Variants in NEBL observed in about 807,000 individuals in gnomAD.
NEBL encodes LIM and SH3 protein 2.
Under a neutral mutation model 140.2 loss-of-function variants are expected in NEBL, and 122 were observed. That is an observed-to-expected ratio of 0.87 (90% CI 0.75 to 1.01). The LOEUF (loss-of-function observed/expected upper bound fraction) is 1.01. Ranked by LOEUF, NEBL falls within the 50% of genes least tolerant of loss-of-function variation. The pLI, the probability that NEBL is intolerant of heterozygous loss-of-function variation, is 0.00. For synonymous variants in NEBL, 436 were observed against 398.9 expected (o/e 1.09, Z -1.11); for missense variants, 1,365 against 1,231.3 (o/e 1.11, Z -1.62).
At chr10:21,000,429 T>A (rs1837848391) in intron 3 of NEBL, among the ~76,000 whole-genome samples, 1 of 152,004 alleles carries the variant, frequency 6.6e-6, no homozygotes, top group African/African-American at 2.4e-5. Flanking sequence ...CAAAAGTGAC[T>A]TTTCCTGGCC....
At chr10:21,017,955 G>A (rs1451443857) in intron 3 of NEBL, among the ~76,000 whole-genome samples, 1 of 151,722 alleles carries the variant, frequency 6.6e-6, no homozygotes, top group Non-Finnish European at 1.5e-5. Flanking sequence ...CGAGTAGTTG[G>A]GATTACAGGC....
chr10:21,206,201 G>A (rs751098460), intron 3 of NEBL, among the ~76,000 whole-genome samples: 1 of 152,120 alleles, frequency 6.6e-6, no homozygotes, highest in Non-Finnish European at 1.5e-5. Context: ...TATCCTAATC[G>A]CTGTTAGCAG....
intron 1 of NEBL, among the ~76,000 whole-genome samples, chr10:21,277,585 G>T (rs979202982): frequency 4.6e-5 from 7 of 152,270 alleles, no homozygotes; most frequent in Admixed American, 6.5e-5. Flanking sequence ...AACATGTATT[G>T]CTGTGTGGGT....
At chr10:21,130,319 C>T (rs895978848) in intron 2 of NEBL, among the ~76,000 whole-genome samples, 10 of 151,810 alleles carry the variant, frequency 6.6e-5, no homozygotes, top group Non-Finnish European at 1.3e-4. Context: ...ATTTCAACAC[C>T]CCTCTATCAG....
At chr10:21,120,390 ATACATATATATATATAT>A (rs1282700674) in intron 2 of NEBL, among the ~76,000 whole-genome samples, 4 of 99,518 alleles carry the variant, frequency 4.0e-5, no homozygotes, top group Admixed American at 9.7e-5. Context: ...AAAAAAAAAA[ATACATATATATATATAT>A]ATATATATAT....
chr10:20,984,308 T>TA (rs1429528946), intron 3 of NEBL, among the ~76,000 whole-genome samples: 3 of 152,194 alleles, frequency 2.0e-5, no homozygotes, highest in Non-Finnish European at 2.9e-5. Context: ...TTCCAAGCTA[T>TA]AGGAATAATG....
At chr10:20,872,024 G>A (rs925265320) in intron 5 of NEBL, among the ~76,000 whole-genome samples, 12 of 152,196 alleles carry the variant, frequency 7.9e-5, no homozygotes, top group African/African-American at 1.9e-4. Flanking sequence ...TATGAAAACC[G>A]CAGGGGGGAA....
chr10:21,183,931 G>A (rs1841424775), intron 3 of NEBL, among the ~76,000 whole-genome samples: 1 of 152,104 alleles, frequency 6.6e-6, no homozygotes, highest in South Asian at 2.1e-4. Flanking sequence ...GAGTTTCTTT[G>A]CACAAGCTCT....
At chr10:20,942,509 C>A (rs1003916539) in intron 4 of NEBL, among the ~76,000 whole-genome samples, 4 of 152,142 alleles carry the variant, frequency 2.6e-5, no homozygotes, top group African/African-American at 9.7e-5. Flanking sequence ...TAGGGAATAC[C>A]ATTCAGGACA....
At chr10:21,122,157 C>G (rs879355301) in intron 2 of NEBL, among the ~76,000 whole-genome samples, 1 of 152,096 alleles carries the variant, frequency 6.6e-6, no homozygotes, top group Non-Finnish European at 1.5e-5. Flanking sequence ...TGCCAAGTAG[C>G]TGGGATTACA....
At chr10:21,225,439 G>C (rs1258160473) in intron 3 of NEBL, among the ~76,000 whole-genome samples, 2 of 152,134 alleles carry the variant, frequency 1.3e-5, no homozygotes, top group African/African-American at 4.8e-5. Context: ...AGCAAGTGGA[G>C]AAGCCAGCCA....
chr10:20,789,381 T>TCC (rs1835720435), intron 26 of NEBL, among the ~76,000 whole-genome samples: 1 of 152,212 alleles, frequency 6.6e-6, no homozygotes, highest in Non-Finnish European at 1.5e-5. Context: ...TCTTTAAATG[T>TCC]TTAAGAAAAA....
chr10:20,976,097 G>A (rs976821096), intron 3 of NEBL, among the ~76,000 whole-genome samples: 8 of 152,128 alleles, frequency 5.3e-5, no homozygotes, highest in African/African-American at 1.9e-4. Context: ...CACTTTGGGA[G>A]GCCAAGGGAG....
chr10:21,165,869 TAC>T (rs1176799945), intron 2 of NEBL, among the ~76,000 whole-genome samples: 1 of 152,186 alleles, frequency 6.6e-6, no homozygotes. Flanking sequence ...CATTGTACGT[TAC>T]AGGTAACTTT....
At chr10:21,164,033 G>A (rs948704374) in intron 2 of NEBL, among the ~76,000 whole-genome samples, 1 of 152,124 alleles carries the variant, frequency 6.6e-6, no homozygotes, top group African/African-American at 2.4e-5. Context: ...ATCTAGGTTC[G>A]ACCAGAGAGG....
At chr10:20,793,630 C>T (rs1407322249) in intron 26 of NEBL, among the ~76,000 whole-genome samples, 4 of 151,634 alleles carry the variant, frequency 2.6e-5, no homozygotes, top group Non-Finnish European at 5.9e-5. Context: ...CTCAGCTCAC[C>T]GCAGCCTCCA....
intron 11 of NEBL, among the ~76,000 whole-genome samples, chr10:20,849,957 T>C (rs1404072696): frequency 1.3e-5 from 2 of 152,022 alleles, no homozygotes; most frequent in African/African-American, 2.4e-5. Flanking sequence ...GCATATTACC[T>C]AGCATGTAGT....
intron 9 of NEBL, among the ~76,000 whole-genome samples, chr10:20,855,584 G>A (rs1031846603): frequency 5.3e-5 from 8 of 151,684 alleles, no homozygotes; most frequent in South Asian, 4.2e-4. Context: ...CTTCGAATGC[G>A]TGTCTTTCCT....
At chr10:21,086,291 A>G (rs1836626088) in intron 2 of NEBL, among the ~76,000 whole-genome samples, 1 of 152,218 alleles carries the variant, frequency 6.6e-6, no homozygotes, top group South Asian at 2.1e-4. Flanking sequence ...TGTAAGGAGA[A>G]ATCAATGACA....
Sources: allele counts gnomAD v4.1 joint callset (sites outside exome capture counted in the v4.1 genomes callset), GRCh38; gene constraint gnomAD v4.1.1; transcripts MANE v1.5; gene names NCBI Gene and HGNC (gene_info 2026-07-23, HGNC 2026-07-21).